The following TINAG variants were observed in gnomAD, a reference collection of about 807,000 sequenced individuals.
The protein encoded by TINAG is tubulointerstitial nephritis antigen.
TINAG carries 83 observed loss-of-function variants against 72.7 expected under a neutral mutation model. That is an observed-to-expected ratio of 1.14 (90% confidence interval 0.96 to 1.37). TINAG has a LOEUF of 1.37. Ranked by LOEUF, TINAG falls within the 40% of genes most tolerant of loss-of-function variation. The pLI is 0.00. For synonymous variants in TINAG, 234 were observed against 189.9 expected (o/e 1.23, Z -1.91); for missense variants, 685 against 576.6 (o/e 1.19, Z -1.93).
At chr6:54,331,536 C>A (rs966510388) in intron 4 of TINAG, among the ~76,000 whole-genome samples, 1 of 152,090 alleles carries the variant, frequency 6.6e-6, no homozygotes, top group African/African-American at 2.4e-5. Context: ...CTTTTCCCTT[C>A]GAAAACTGGC....
intron 9 of TINAG, among the ~76,000 whole-genome samples, chr6:54,361,263 T>C (rs1008639967): frequency 1.8e-4 from 28 of 151,622 alleles, no homozygotes; most frequent in African/African-American, 6.8e-4. Flanking sequence ...GAAAGGAAGA[T>C]GTATTAGTCC....
At chr6:54,389,668 C>T (rs979877951) in intron 10 of TINAG, 123 bp from the exon 11 acceptor site, 1 of 1,218,984 alleles carries the variant, frequency 8.2e-7, no homozygotes, top group Non-Finnish European at 1.1e-6. Context: ...TAGGTAAGTT[C>T]TTGATAATTA....
At chr6:54,361,670 G>T (rs900554754) in intron 9 of TINAG, among the ~76,000 whole-genome samples, 8 of 151,648 alleles carry the variant, frequency 5.3e-5, no homozygotes, top group Non-Finnish European at 1.0e-4. Flanking sequence ...TAAATCAAAA[G>T]CTAGAAATGA....
At chr6:54,371,986 T>TTTTTTTTTTTTTTTTTTTTTG (rs1763628023) in intron 9 of TINAG, among the ~76,000 whole-genome samples, 1 of 111,268 alleles carries the variant, frequency 9.0e-6, no homozygotes, top group African/African-American at 4.6e-5. Flanking sequence ...GTCATGTTTT[T>TTTTTTTTTTTTTTTTTTTTTG]TTTTTTTTTT....
intron 4 of TINAG, among the ~76,000 whole-genome samples, chr6:54,327,768 G>T (rs1416484783): frequency 4.6e-5 from 7 of 152,164 alleles, no homozygotes; most frequent in Non-Finnish European, 8.8e-5. Context: ...GCGTGGTGGA[G>T]GGAGGGGCGT....
rs1304166354 is a variant in TINAG, at chr6:54,360,856, T to G, written c.1250+6220T>G. On this transcript the variant is annotated intron_variant, in intron 9 of 10. Transcript: ENST00000259782. ...CAGATACTGTGTTTTTTTTTTTTTT[T>G]TTTTTTTTTTTTTTTTCAAATTGAA... 2.7e-4 allele frequency among the ~76,000 whole-genome samples: 34 copies of G among 126,336 alleles called. 1 individual carries two copies. Among genetic ancestry groups the G allele is most frequent in the Admixed American group, 1.1e-3 (14 of 13,034 alleles). The allele number at this position is 126,336 out of a possible 152,430, so 82.9% of individuals were successfully genotyped here.
At chr6:54,340,859 C>G (rs541384603) in intron 4 of TINAG, among the ~76,000 whole-genome samples, 1 of 152,168 alleles carries the variant, frequency 6.6e-6, no homozygotes, top group African/African-American at 2.4e-5. Flanking sequence ...GCGACAAATG[C>G]ATGCTAGTAT....
rs1785345924 is a variant in TINAG, at chr6:54,354,551, A to T, written c.1165A>T (p.Thr389Ser). 1.2e-6 allele frequency: 2 copies of T among 1,608,212 alleles called. No individual in the cohort carries two copies. Among genetic ancestry groups the T allele is most frequent in the Middle Eastern group, 1.7e-4 (1 of 6,050 alleles). Residue 389 changes from threonine to serine, a missense_variant, in exon 9 of 11, where the codon ACA (threonine) becomes TCA (serine). Physicochemically the swap from Thr to Ser is moderately conservative, Grantham distance 58. Coordinates refer to ENST00000259782, the MANE Select transcript of TINAG (RefSeq NM_014464.4). Reference sequence around the variant, plus strand: ...CCGTGAAGATTTCTTCCATTATAAGACAGGGATATACAGACATGTTACCAG... The same window carrying T: ...CCGTGAAGATTTCTTCCATTATAAGTCAGGGATATACAGACATGTTACCAG... Reference protein sequence around the residue: ...QVREDFFHYKTGIYRHVTSTN... With the variant: ...QVREDFFHYKSGIYRHVTSTN...
intron 9 of TINAG, among the ~76,000 whole-genome samples, chr6:54,374,141 A>C (rs1488752280): frequency 6.6e-6 from 1 of 152,110 alleles, no homozygotes; most frequent in African/African-American, 2.4e-5. Flanking sequence ...CTACACTTGT[A>C]ATCTTCTTGC....
chr6:54,355,400 G>A (rs886862571), intron 9 of TINAG, among the ~76,000 whole-genome samples: 1 of 151,580 alleles, frequency 6.6e-6, no homozygotes, highest in Non-Finnish European at 1.5e-5. Flanking sequence ...ATTTTATTGA[G>A]CCTACGCAAA....
chr6:54,362,786 G>A (rs949469), intron 9 of TINAG, among the ~76,000 whole-genome samples: 12,736 of 151,348 alleles, frequency 0.084, 947 homozygotes, highest in East Asian at 0.3. Context: ...ATAGAAGTTC[G>A]ACATATCAAC....
At chr6:54,345,789 G>A (rs1478831701) in intron 5 of TINAG, among the ~76,000 whole-genome samples, 1 of 151,992 alleles carries the variant, frequency 6.6e-6, no homozygotes, top group Non-Finnish European at 1.5e-5. Context: ...AAGGATGCCA[G>A]CAATTTCCCT....
intron 9 of TINAG, among the ~76,000 whole-genome samples, chr6:54,379,068 A>G (rs985529098): frequency 5.3e-5 from 8 of 152,154 alleles, no homozygotes; most frequent in African/African-American, 1.9e-4. Context: ...CATCTCTTCT[A>G]GGAATGTTTG....
intron 9 of TINAG, among the ~76,000 whole-genome samples, chr6:54,368,948 T>C (rs1049113472): frequency 6.6e-6 from 1 of 151,854 alleles, no homozygotes; most frequent in African/African-American, 2.4e-5. Flanking sequence ...TACATGTAGA[T>C]ATTTATGATA....
At chr6:54,365,824 C>T (rs963180922) in intron 9 of TINAG, among the ~76,000 whole-genome samples, 4 of 151,504 alleles carry the variant, frequency 2.6e-5, no homozygotes, top group African/African-American at 9.7e-5. Context: ...ATTGTATGTT[C>T]TCTCTTTAGA....
chr6:54,349,036 G>T (rs530047495), intron 6 of TINAG, among the ~76,000 whole-genome samples: 3 of 151,720 alleles, frequency 2.0e-5, no homozygotes, highest in Non-Finnish European at 2.9e-5. Flanking sequence ...AATTGGTGCC[G>T]AATAATTTCT....
chr6:54,308,062 C>G (rs544665806), upstream of TINAG: 4 of 1,549,772 alleles, frequency 2.6e-6, no homozygotes, highest in South Asian at 4.8e-5. Flanking sequence ...TAGCAGGCAA[C>G]CTCATGAGAG....
chr6:54,312,778 G>C (rs1784287573), intron 1 of TINAG, among the ~76,000 whole-genome samples: 1 of 152,144 alleles, frequency 6.6e-6, no homozygotes, highest in Non-Finnish European at 1.5e-5. Context: ...TGAAAAATCT[G>C]ACAATTCTGC....
rs57637287 is a variant in TINAG at position 54,366,254 on chromosome 6, ATG to A, written c.1250+11641_1250+11642del. On this transcript the variant is annotated intron_variant, in intron 9 of 10. Transcript: ENST00000259782. ...TATCTATATGCGTACACGTACGTGT[ATG>A]TGTGTGTGTGTGTGTGTGTGTGAAA... 2.9e-3 allele frequency among the ~76,000 whole-genome samples: 434 copies of A among 147,802 alleles called. 1 individual carries two copies. Among genetic ancestry groups the A allele is most frequent in the African/African-American group, 8.0e-3 (325 of 40,522 alleles).
Sources: gnomAD v4.1 joint callset for allele counts (sites outside exome capture counted in the v4.1 genomes callset) on GRCh38, gnomAD v4.1.1 for gene constraint, MANE v1.5 for transcripts, NCBI Gene and HGNC (gene_info 2026-07-23, HGNC 2026-07-21) for gene names.